Variants in DAD1 observed in about 807,000 individuals in gnomAD.
DAD1 encodes defender against cell death 1, also known as dolichyl-diphosphooligosaccharide--protein glycosyltransferase subunit DAD1.
A neutral mutation model predicts 9.0 loss-of-function variants in DAD1; 4 were observed. The observed-to-expected ratio is 0.44, with a 90% CI of 0.22 to 1.01. The LOEUF (loss-of-function observed/expected upper bound fraction) is 1.01. Among genes scored for constraint, DAD1 ranks in the 50% least tolerant of loss-of-function variants. The pLI, the probability that DAD1 is intolerant of heterozygous loss-of-function variation, is 0.24. For missense variants in DAD1, 119 were observed against 137.3 expected, an observed-to-expected ratio of 0.87 and a Z score of 0.67; for synonymous variants, 60 against 62.5, an observed-to-expected ratio of 0.96 and a Z score of 0.19.
rs1051101 is a variant in DAD1 at position 22,589,178 on chromosome 14, G to A, written c.-21C>T. 0.23 allele frequency: 368,522 copies of A among 1,612,822 alleles called. 43,233 individuals are homozygous for A. The highest frequency in any genetic ancestry group is 0.25 in the Admixed American group (14,933 of 59,952). ...GACATAACTGCACGCAAGGTACTCC[G>A]GTCCGCGCCCCAAACTCTTGGAGGA... is the stretch of plus-strand genomic sequence containing the variant. On this transcript the variant is annotated 5_prime_UTR_variant, in exon 1 of 3. Coordinates refer to ENST00000250498, the MANE Select transcript of DAD1 (RefSeq NM_001344.4).
At chr14:22,578,443 G>A (rs562841330) in intron 1 of DAD1, among the ~76,000 whole-genome samples, 11 of 152,200 alleles carry the variant, frequency 7.2e-5, no homozygotes, top group South Asian at 2.1e-4. Flanking sequence ...GCACGCACCT[G>A]TAATCCCAGC....
intron 1 of DAD1, among the ~76,000 whole-genome samples, chr14:22,585,170 T>G (rs2037143844): frequency 1.3e-5 from 2 of 152,238 alleles, no homozygotes; most frequent in African/African-American, 4.8e-5. Flanking sequence ...CTCCTTGCCT[T>G]ACAGATTCAA....
chr14:22,582,034 C>G (rs1293360251), intron 1 of DAD1, among the ~76,000 whole-genome samples: 1 of 151,344 alleles, frequency 6.6e-6, no homozygotes, highest in Non-Finnish European at 1.5e-5. Context: ...AACCCCATCT[C>G]TACTAAAAAT....
At chr14:22,575,274 G>A (rs770998741) in intron 1 of DAD1, 41 bp from the exon 2 acceptor site, 1 of 1,601,186 alleles carries the variant, frequency 6.2e-7, no homozygotes. Flanking sequence ...TTATATAGAA[G>A]TATAAAATAA....
chr14:22,586,235 A>G (rs549633451), intron 1 of DAD1, among the ~76,000 whole-genome samples: 2 of 150,512 alleles, frequency 1.3e-5, no homozygotes, highest in East Asian at 2.0e-4. Flanking sequence ...AAGCTTTACT[A>G]TTACCTACAG....
At chr14:22,571,567 G>A (rs1319496033) in intron 2 of DAD1, among the ~76,000 whole-genome samples, 1 of 149,180 alleles carries the variant, frequency 6.7e-6, no homozygotes, top group Non-Finnish European at 1.5e-5. Context: ...AAAAAATATT[G>A]AGTCTTTCTT....
intron 2 of DAD1, among the ~76,000 whole-genome samples, chr14:22,572,562 G>A: frequency 6.6e-6 from 1 of 152,164 alleles, no homozygotes; most frequent in South Asian, 2.1e-4. Flanking sequence ...ATAATTCCCA[G>A]CTGAGCAGGT....
intron 1 of DAD1, among the ~76,000 whole-genome samples, chr14:22,578,379 A>G (rs2037092800): frequency 6.6e-6 from 1 of 152,238 alleles, no homozygotes; most frequent in Non-Finnish European, 1.5e-5. Context: ...AGCCTGGCCA[A>G]CATGGGGAAA....
intron 2 of DAD1, among the ~76,000 whole-genome samples, chr14:22,568,035 A>G (rs2037012708): frequency 6.6e-6 from 1 of 152,224 alleles, no homozygotes; most frequent in South Asian, 2.1e-4. Context: ...CTAACATGAC[A>G]TATATATAAA....
At chr14:22,569,172 T>C (rs1172122980) in intron 2 of DAD1, among the ~76,000 whole-genome samples, 2 of 152,242 alleles carry the variant, frequency 1.3e-5, no homozygotes, top group Admixed American at 1.3e-4. Flanking sequence ...CAGTGGCTCA[T>C]GCCTGTAATT....
At chr14:22,588,008 T>A (rs5742736) in intron 1 of DAD1, among the ~76,000 whole-genome samples, 12,860 of 152,250 alleles carry the variant, frequency 0.084, 681 homozygotes, top group African/African-American at 0.15. Flanking sequence ...AGTACTGGGA[T>A]TACAGGCATG....
intron 2 of DAD1, among the ~76,000 whole-genome samples, chr14:22,570,985 C>A (rs2037034487): frequency 6.6e-6 from 1 of 151,032 alleles, no homozygotes; most frequent in African/African-American, 2.4e-5. Flanking sequence ...CATTACCCTT[C>A]AGAACACCTG....
chr14:22,580,554 G>A (rs765052770), intron 1 of DAD1, among the ~76,000 whole-genome samples: 4 of 152,008 alleles, frequency 2.6e-5, no homozygotes, highest in African/African-American at 9.7e-5. Flanking sequence ...TAAAGAACAC[G>A]GTGTTGAGTT....
At chr14:22,566,705 T>C (rs2037004320) in intron 2 of DAD1, among the ~76,000 whole-genome samples, 1 of 152,236 alleles carries the variant, frequency 6.6e-6, no homozygotes, top group South Asian at 2.1e-4. Context: ...CTTGACACTT[T>C]TAGAAATATA....
At chr14:22,587,878 G>C (rs1285403474) in intron 1 of DAD1, among the ~76,000 whole-genome samples, 1 of 152,042 alleles carries the variant, frequency 6.6e-6, no homozygotes, top group Non-Finnish European at 1.5e-5. Context: ...TGGGATTACA[G>C]GTGTGTGCCA....
intron 1 of DAD1, among the ~76,000 whole-genome samples, chr14:22,580,993 C>T (rs138272501): frequency 1.3e-5 from 2 of 152,304 alleles, no homozygotes; most frequent in Non-Finnish European, 2.9e-5. Flanking sequence ...TCAGTCTCTC[C>T]CTGGGCACTT....
chr14:22,589,016 CGAG>C lies in DAD1; in HGVS notation c.139_141del (p.Leu47del). 1 of 1,614,212 alleles carries C rather than the reference CGAG, an allele frequency of 6.2e-7. No homozygotes were observed. On this transcript the variant is annotated inframe_deletion, in exon 1 of 3. Coordinates refer to ENST00000250498, the MANE Select transcript of DAD1 (RefSeq NM_001344.4). ...AAAGAGTTGAAGGGGAAGGTCCCCA[CGAG>C]GAGACAGTAACCGAACTGCAGCGCC...
intron 1 of DAD1, among the ~76,000 whole-genome samples, chr14:22,583,814 T>C (rs921380259): frequency 3.9e-5 from 6 of 151,904 alleles, no homozygotes; most frequent in African/African-American, 1.5e-4. Context: ...TCAGAGAGTA[T>C]GGGTATAAAA....
At chr14:22,574,974 TG>T in intron 2 of DAD1, 84 bp downstream of exon 2, 2 of 1,225,290 alleles carry the variant, frequency 1.6e-6, no homozygotes, top group Non-Finnish European at 2.3e-6. Flanking sequence ...TATGGGAGCC[TG>T]GCCAACCATG....
Sources: allele counts gnomAD v4.1 joint callset (sites outside exome capture counted in the v4.1 genomes callset), GRCh38; gene constraint gnomAD v4.1.1; transcripts MANE v1.5; gene names NCBI Gene and HGNC (gene_info 2026-07-23, HGNC 2026-07-21).